USP42: variants seen among roughly 807,000 people sequenced by gnomAD.
USP42 encodes the protein ubiquitin specific peptidase 42.
In USP42, 23 loss-of-function variants were observed where a neutral mutation model predicts 113.0. The ratio of observed to expected loss-of-function variants is 0.20; its 90% CI spans 0.15 to 0.29. The LOEUF (loss-of-function observed/expected upper bound fraction) is 0.29, where lower values mean the gene tolerates loss of function less well. Among genes scored for constraint, USP42 ranks in the 10% least tolerant of loss-of-function variants. The probability of loss-of-function intolerance (pLI) is 1.00; values close to 1 mark genes in which losing one functional copy is unlikely to be tolerated. For missense variants in USP42, 2,174 were observed against 1,779.8 expected (o/e 1.22, Z -3.99); for synonymous variants, 933 against 699.0 (o/e 1.33, Z -5.28).
At chr7:6,091,989 TCTTCTTCTTC>T in the USP42 span, among the ~76,000 whole-genome samples, 1 of 58,660 alleles carries the variant, frequency 1.7e-5, no homozygotes, top group Non-Finnish European at 4.1e-5. Context: ...TTCTTCTTCT[TCTTCTTCTTC>T]TTCTTCTTCT....
In USP42 at chr7:6,150,232, C is replaced by T; in HGVS notation, c.2036C>T (p.Ala679Val). The change falls in exon 13 of 18, where the codon GCC becomes GTC. Residue 679 changes from alanine (A) to valine (V), a missense_variant. Coordinates refer to ENST00000306177, the MANE Select transcript of USP42 (RefSeq NM_032172.3). ...GAAAACGGCCTAGCGCCTGATGGTG[C>T]CAGCTGCCAAGGCCAGCCTGCCCTG... Reference protein sequence around the residue: ...PKENGLAPDGASCQGQPALHS... With the variant: ...PKENGLAPDGVSCQGQPALHS... The T allele has an allele frequency of 1.2e-6, 2 of 1,613,854 alleles. No individual in the cohort carries two copies. The highest frequency in any genetic ancestry group is 2.2e-5 in the East Asian group (1 of 44,890).
chr7:6,154,812 C>G lies in USP42; in HGVS notation c.3258C>G (p.Ala1086=), dbSNP rs112032105. The G allele has an allele frequency of 1.2e-5, 18 of 1,543,808 alleles. No individual in the cohort carries two copies. In the East Asian group the frequency reaches 3.9e-4, roughly 34 times the overall value. The change falls in exon 15 of 18, where the codon GCC becomes GCG. Residue 1086 remains alanine (A), a synonymous_variant. Coordinates refer to ENST00000306177, the MANE Select transcript of USP42 (RefSeq NM_032172.3). ...ACGGCGGCCGCGAGCACGAGCGGGC[C>G]GGGCTGCACGAGCGGCCGCACAAGG... The part of the protein sequence containing the change: ...PFHGGREHER[A]GLHERPHKDH...
chr7:6,127,607 C>G (rs932724801), intron 3 of USP42, among the ~76,000 whole-genome samples: 11 of 152,086 alleles, frequency 7.2e-5, no homozygotes, highest in Non-Finnish European at 1.5e-4. Flanking sequence ...GTGTCTGTCT[C>G]CAGGTTTCTG....
the USP42 span, among the ~76,000 whole-genome samples, chr7:6,085,521 CAT>C: frequency 2.0e-5 from 3 of 149,680 alleles, no homozygotes; most frequent in Non-Finnish European, 4.4e-5. Context: ...ATGTATAACT[CAT>C]ATAGATTATA....
the USP42 span, among the ~76,000 whole-genome samples, chr7:6,097,358 G>A: frequency 6.7e-6 from 1 of 148,774 alleles, no homozygotes; most frequent in African/African-American, 2.5e-5. Flanking sequence ...TGGAATTCAT[G>A]GCATCTAAAA....
In USP42 at chr7:6,150,441, A is replaced by G. The variant is rs776037919; in HGVS notation, c.2136A>G (p.Pro712=). Residue 712 remains proline (P), a synonymous_variant, in exon 14 of 18, where the codon CCA becomes CCG. Transcript: ENST00000306177. ...KLMPAPLLSL[P]EDKILETFRL... ...TGCCTGCTCCTTTGCTGTCTCTCCC[A>G]GAAGACAAAATCTTAGAGACCTTCA... 3.1e-6 allele frequency: 5 copies of G among 1,613,876 alleles called. No homozygotes were observed. Among genetic ancestry groups the G allele is most frequent in the Non-Finnish European group, 3.4e-6 (4 of 1,179,888 alleles).
At chr7:6,123,393 G>A (rs1053184417) in intron 3 of USP42, among the ~76,000 whole-genome samples, 2 of 152,056 alleles carry the variant, frequency 1.3e-5, no homozygotes, top group Non-Finnish European at 2.9e-5. Flanking sequence ...GCTGGGTGCG[G>A]TGGCTCACGC....
In USP42 at chr7:6,154,793, G is replaced by C; in HGVS notation, c.3239G>C (p.Gly1080Ala). 1.3e-6 allele frequency: 2 copies of C among 1,547,902 alleles called. No homozygotes were observed. Among genetic ancestry groups the C allele is most frequent in the Non-Finnish European group, 1.7e-6 (2 of 1,145,888 alleles). Residue 1080 changes from glycine to alanine, a missense_variant, in exon 15 of 18, where the codon GGC (glycine) becomes GCC (alanine). Coordinates refer to ENST00000306177, the MANE Select transcript of USP42 (RefSeq NM_032172.3). ...AARDWKPFHG[G>A]REHERAGLHE... Reference sequence around the variant, plus strand: ...CGGGACTGGAAGCCCTTCCACGGCGGCCGCGAGCACGAGCGGGCCGGGCTG... The same window carrying C: ...CGGGACTGGAAGCCCTTCCACGGCGCCCGCGAGCACGAGCGGGCCGGGCTG...
intron 3 of USP42, among the ~76,000 whole-genome samples, chr7:6,123,445 C>T (rs141903041): frequency 0.013 from 2,034 of 152,240 alleles, 29 homozygotes; most frequent in Middle Eastern, 0.061. Flanking sequence ...GAGCAGATCA[C>T]GAGCTCAGGA....
In USP42 at chr7:6,159,512, T is replaced by C; in HGVS notation, c.*36+19T>C. The C allele has an allele frequency of 6.2e-7, 1 of 1,610,724 alleles. No individual in the cohort carries two copies. ...AGTTATGGTAAGCTGTTTTCCTGTCTGTTTCCTCATTGTTTGTGGTGGCGC... is the reference window on the plus strand; with the variant it reads ...AGTTATGGTAAGCTGTTTTCCTGTCCGTTTCCTCATTGTTTGTGGTGGCGC... On this transcript the variant is annotated intron_variant, in intron 17 of 17. Transcript: ENST00000306177. The surrounding 1 kb of genome is among the most constrained non-coding windows in gnomAD (Gnocchi z 4.1).
intron 8 of USP42, among the ~76,000 whole-genome samples, chr7:6,143,706 A>AATT (rs1397112642): frequency 6.6e-6 from 1 of 151,964 alleles, no homozygotes; most frequent in Non-Finnish European, 1.5e-5. Context: ...TTCATATAAT[A>AATT]ATTATTATTA....
intron 1 of USP42, among the ~76,000 whole-genome samples, chr7:6,106,446 C>T (rs148826590): frequency 1.3e-5 from 2 of 152,172 alleles, no homozygotes; most frequent in Non-Finnish European, 1.5e-5. Flanking sequence ...CATTTGATAA[C>T]AAGGGAGACA....
the USP42 span, among the ~76,000 whole-genome samples, chr7:6,097,856 C>G: frequency 4.7e-5 from 7 of 148,608 alleles, 1 homozygote; most frequent in Non-Finnish European, 1.0e-4. Flanking sequence ...TCCCAAAGTG[C>G]TGGGACTACA....
chr7:6,151,391 C>A (rs978951721), intron 14 of USP42, among the ~76,000 whole-genome samples: 3 of 152,174 alleles, frequency 2.0e-5, no homozygotes, highest in Non-Finnish European at 4.4e-5. Context: ...TGTAATAACA[C>A]TTAGCTTAAA....
chr7:6,121,023 T>C (rs966800478), intron 3 of USP42, among the ~76,000 whole-genome samples: 10 of 152,184 alleles, frequency 6.6e-5, no homozygotes, highest in East Asian at 1.9e-4. Flanking sequence ...CACTTATTAA[T>C]TCTAGTAGGT....
chr7:6,144,080 T>C lies in USP42; in HGVS notation c.879-5T>C. ...TCTTATACTTTTGTTTCTGTTTGTT[T>C]CAAGGTGTAAAAAGATGGTTCCAGC... On this transcript the variant is annotated splice_region_variant and splice_polypyrimidine_tract_variant and intron_variant, in intron 8 of 17. Transcript: ENST00000306177. 6.5e-7 allele frequency: 1 copy of C among 1,540,732 alleles called. No homozygotes were observed. The highest frequency in any genetic ancestry group is 2.4e-5 in the East Asian group (1 of 41,038).
intron 1 of USP42, among the ~76,000 whole-genome samples, chr7:6,105,476 C>T (rs1265987441): frequency 6.8e-6 from 1 of 146,744 alleles, no homozygotes; most frequent in Non-Finnish European, 1.5e-5. Flanking sequence ...CCGCCCGCCG[C>T]CCCCCGCGTG....
At chr7:6,088,125 C>T in the USP42 span, among the ~76,000 whole-genome samples, 1 of 151,116 alleles carries the variant, frequency 6.6e-6, no homozygotes, top group Non-Finnish European at 1.5e-5. Flanking sequence ...TATAGCAAGA[C>T]TTTGTCTCTA....
At chr7:6,127,044 ACT>A (rs1780582611) in intron 3 of USP42, among the ~76,000 whole-genome samples, 1 of 152,154 alleles carries the variant, frequency 6.6e-6, no homozygotes, top group Non-Finnish European at 1.5e-5. Context: ...TGTAGTGGTA[ACT>A]CAGTGTGGCT....
Sources: allele counts gnomAD v4.1 joint callset (sites outside exome capture counted in the v4.1 genomes callset), GRCh38; gene constraint gnomAD v4.1.1; non-coding constraint Gnocchi (gnomAD v3.1); transcripts MANE v1.5; gene names NCBI Gene and HGNC (gene_info 2026-07-23, HGNC 2026-07-21).